Variants in RSRC1 observed in about 807,000 individuals in gnomAD.
RSRC1 encodes the protein serine/Arginine-related protein 53.
A neutral mutation model predicts 49.1 loss-of-function variants in RSRC1; 39 were observed. The observed-to-expected ratio is 0.79, with a 90% CI of 0.61 to 1.04. The LOEUF is 1.04. Among genes scored for constraint, RSRC1 ranks in the 50% least tolerant of loss-of-function variants. The pLI, the probability that RSRC1 is intolerant of heterozygous loss-of-function variation, is 0.00. For synonymous variants in RSRC1, 143 were observed against 130.8 expected (o/e 1.09, Z -0.63); for missense variants, 388 against 402.4 (o/e 0.96, Z 0.31).
intron 6 of RSRC1, among the ~76,000 whole-genome samples, chr3:158,447,001 G>A (rs1391068072): frequency 6.6e-6 from 1 of 152,022 alleles, no homozygotes; most frequent in Non-Finnish European, 1.5e-5. Flanking sequence ...AATTATATTT[G>A]CTGTATTCTT....
chr3:158,126,954 C>G (rs1715665614), intron 3 of RSRC1, among the ~76,000 whole-genome samples: 1 of 151,714 alleles, frequency 6.6e-6, no homozygotes, highest in African/African-American at 2.4e-5. Flanking sequence ...TCACCTGATT[C>G]CTTTCTGGCT....
intron 7 of RSRC1, among the ~76,000 whole-genome samples, chr3:158,462,391 CAT>C (rs1737662445): frequency 6.6e-6 from 1 of 151,902 alleles, no homozygotes. Context: ...TAATTAATAA[CAT>C]AATGGCCCTT....
intron 5 of RSRC1, among the ~76,000 whole-genome samples, chr3:158,321,767 A>G (rs1728775219): frequency 6.6e-6 from 1 of 152,064 alleles, no homozygotes; most frequent in Admixed American, 6.6e-5. Flanking sequence ...TAGGAATTAT[A>G]CTATGCATCT....
intron 6 of RSRC1, among the ~76,000 whole-genome samples, chr3:158,388,252 TA>T (rs1374129618): frequency 2.0e-5 from 3 of 151,934 alleles, no homozygotes; most frequent in Non-Finnish European, 4.4e-5. Flanking sequence ...AAATTATTTT[TA>T]AAAATTGATT....
chr3:158,278,170 C>T (rs554921429), intron 4 of RSRC1, among the ~76,000 whole-genome samples: 9 of 152,200 alleles, frequency 5.9e-5, no homozygotes, highest in Non-Finnish European at 1.2e-4. Context: ...CAACCAACAA[C>T]GGACAAGTCC....
At chr3:158,456,513 A>G (rs555069547) in intron 6 of RSRC1, among the ~76,000 whole-genome samples, 3 of 152,148 alleles carry the variant, frequency 2.0e-5, no homozygotes, top group Admixed American at 6.5e-5. Context: ...AGACAAGTAT[A>G]TGTTCTTCAG....
At chr3:158,333,645 T>C (rs78469584) in intron 5 of RSRC1, among the ~76,000 whole-genome samples, 1,637 of 152,256 alleles carry the variant, frequency 0.011, 45 homozygotes, top group Admixed American at 0.065. Context: ...AGGACAAAGC[T>C]TCAAAAAAGT....
intron 3 of RSRC1, among the ~76,000 whole-genome samples, chr3:158,134,052 G>A (rs981417636): frequency 6.6e-6 from 1 of 152,146 alleles, no homozygotes; most frequent in African/African-American, 2.4e-5. Context: ...TATTGAATAT[G>A]AGAAAGAAAA....
At chr3:158,359,597 G>A (rs929376696) in intron 6 of RSRC1, among the ~76,000 whole-genome samples, 4 of 152,120 alleles carry the variant, frequency 2.6e-5, no homozygotes, top group Admixed American at 2.0e-4. Context: ...CCGGGAACAC[G>A]GTGGCACCCG....
At chr3:158,486,554 G>A (rs544389136) in intron 7 of RSRC1, among the ~76,000 whole-genome samples, 1 of 152,240 alleles carries the variant, frequency 6.6e-6, no homozygotes, top group East Asian at 1.9e-4. Flanking sequence ...TGAGAAGGGA[G>A]AGATTACTTG....
At chr3:158,165,536 C>G (rs1019971914) in intron 3 of RSRC1, among the ~76,000 whole-genome samples, 2 of 152,234 alleles carry the variant, frequency 1.3e-5, no homozygotes, top group Non-Finnish European at 1.5e-5. Context: ...GCTTCAACTA[C>G]ATGCTGGCCT....
chr3:158,236,442 AGTTT>A (rs1452393120), intron 4 of RSRC1, among the ~76,000 whole-genome samples: 1 of 152,290 alleles, frequency 6.6e-6, no homozygotes, highest in South Asian at 2.1e-4. Flanking sequence ...CTCTTTTAAA[AGTTT>A]GTTTGTGCTT....
chr3:158,358,927 T>TACACACACAC (rs71777898), intron 6 of RSRC1, among the ~76,000 whole-genome samples: 6 of 128,924 alleles, frequency 4.7e-5, no homozygotes, highest in African/African-American at 1.5e-4. Context: ...CACACAAACA[T>TACACACACAC]ACACACACAC....
At chr3:158,406,164 A>C (rs568418720) in intron 6 of RSRC1, among the ~76,000 whole-genome samples, 1 of 152,192 alleles carries the variant, frequency 6.6e-6, no homozygotes, top group Admixed American at 6.6e-5. Context: ...CTATTTGAAA[A>C]CTATGAATAT....
At chr3:158,284,156 T>C (rs945300532) in intron 4 of RSRC1, among the ~76,000 whole-genome samples, 6 of 151,694 alleles carry the variant, frequency 4.0e-5, no homozygotes, top group Non-Finnish European at 8.8e-5. Context: ...GGTTTTTTAT[T>C]CTTGCGATAG....
At chr3:158,347,094 A>T (rs1483399466) in intron 5 of RSRC1, among the ~76,000 whole-genome samples, 1 of 152,226 alleles carries the variant, frequency 6.6e-6, no homozygotes. Flanking sequence ...TAGGAGTAAC[A>T]CATGTGCTTG....
chr3:158,245,677 C>T (rs556955942), intron 4 of RSRC1, among the ~76,000 whole-genome samples: 5 of 152,022 alleles, frequency 3.3e-5, no homozygotes, highest in African/African-American at 1.2e-4. Flanking sequence ...GATCTCTGAC[C>T]CCTTACTTTA....
At chr3:158,130,164 A>G (rs1207095998) in intron 3 of RSRC1, among the ~76,000 whole-genome samples, 1 of 152,036 alleles carries the variant, frequency 6.6e-6, no homozygotes. Flanking sequence ...CATTTTGGAG[A>G]TCATAGAGAG....
chr3:158,283,997 C>T (rs1355222062), intron 4 of RSRC1, among the ~76,000 whole-genome samples: 1 of 151,576 alleles, frequency 6.6e-6, no homozygotes, highest in Non-Finnish European at 1.5e-5. Flanking sequence ...CCCATTAACT[C>T]CTCATTTAGC....
Sources: allele counts gnomAD v4.1 joint callset (sites outside exome capture counted in the v4.1 genomes callset), GRCh38; gene constraint gnomAD v4.1.1; transcripts MANE v1.5; gene names NCBI Gene and HGNC (gene_info 2026-07-23, HGNC 2026-07-21).